STK32C: variants seen among roughly 807,000 people sequenced by gnomAD.
The protein encoded by STK32C is serine/threonine kinase 32C.
STK32C carries 31 observed loss-of-function variants against 56.5 expected under a neutral mutation model. That is an observed-to-expected ratio of 0.55 (90% CI 0.41 to 0.74). STK32C has a LOEUF of 0.74. Ranked by LOEUF, STK32C falls within the 30% of genes least tolerant of loss-of-function variation. The pLI, the probability that STK32C is intolerant of heterozygous loss-of-function variation, is 0.00. For missense variants in STK32C, 544 were observed against 676.9 expected (o/e 0.80, Z 2.18); for synonymous variants, 309 against 289.4 (o/e 1.07, Z -0.69).
intron 1 of STK32C, among the ~76,000 whole-genome samples, chr10:132,281,698 G>A (rs531899185): frequency 3.9e-5 from 6 of 152,352 alleles, no homozygotes; most frequent in South Asian, 2.1e-4. Flanking sequence ...CCCCTGGGCC[G>A]GTCGGGTGGT....
At chr10:132,246,824 T>C (rs1230278242) in intron 1 of STK32C, among the ~76,000 whole-genome samples, 1 of 152,022 alleles carries the variant, frequency 6.6e-6, no homozygotes, top group Non-Finnish European at 1.5e-5. Flanking sequence ...TCCAGATGAC[T>C]CCCAGGCCAG....
intron 7 of STK32C, among the ~76,000 whole-genome samples, chr10:132,224,808 T>C (rs2062822994): frequency 6.6e-6 from 1 of 152,038 alleles, no homozygotes; most frequent in Non-Finnish European, 1.5e-5. Context: ...GCTGGCTTCC[T>C]CAGAGGTGGG....
At chr10:132,274,053 T>C (rs1215824460) in intron 1 of STK32C, among the ~76,000 whole-genome samples, 4 of 152,212 alleles carry the variant, frequency 2.6e-5, no homozygotes, top group African/African-American at 9.6e-5. Flanking sequence ...ACTTAAACAT[T>C]TGCGAGGTGA....
At chr10:132,309,368 C>T (rs566137917), upstream of STK32C, among the ~76,000 whole-genome samples, 6 of 151,980 alleles carry the variant, frequency 3.9e-5, no homozygotes, top group South Asian at 2.1e-4. Flanking sequence ...GACATGCACC[C>T]GCCTAGGACA....
intron 10 of STK32C, among the ~76,000 whole-genome samples, chr10:132,212,561 C>A (rs1030128115): frequency 6.6e-6 from 1 of 152,194 alleles, no homozygotes; most frequent in Non-Finnish European, 1.5e-5. Flanking sequence ...ACAGCCACAT[C>A]GGACAACGTC....
intron 1 of STK32C, among the ~76,000 whole-genome samples, chr10:132,274,089 G>A (rs774282186): frequency 6.6e-6 from 1 of 152,224 alleles, no homozygotes; most frequent in Non-Finnish European, 1.5e-5. Context: ...AGGGGTTGGG[G>A]CTGGAAATGC....
At chr10:132,279,258 A>G (rs1157923643) in intron 1 of STK32C, among the ~76,000 whole-genome samples, 1 of 152,204 alleles carries the variant, frequency 6.6e-6, no homozygotes, top group Non-Finnish European at 1.5e-5. Flanking sequence ...ACCCGTGTCC[A>G]TAACAGGCGA....
intron 2 of STK32C, among the ~76,000 whole-genome samples, chr10:132,239,697 C>T (rs2063432777): frequency 6.6e-6 from 1 of 152,230 alleles, no homozygotes; most frequent in Non-Finnish European, 1.5e-5. Flanking sequence ...CGGCAGCAGG[C>T]CAGCAGACGC....
At chr10:132,298,220 C>T (rs2065811750) in intron 1 of STK32C, among the ~76,000 whole-genome samples, 1 of 152,244 alleles carries the variant, frequency 6.6e-6, no homozygotes. Context: ...TGTGGTCCCT[C>T]CCCTGAATCT....
chr10:132,214,756 G>A (rs1049181304), intron 10 of STK32C, among the ~76,000 whole-genome samples: 17 of 152,222 alleles, frequency 1.1e-4, no homozygotes, highest in East Asian at 1.9e-4. Flanking sequence ...GAGAGGTGCC[G>A]TCACAAGGCA....
rs73383230 is a variant in STK32C at position 132,247,444 on chromosome 10, C to T, written c.263-1489G>A. On this transcript the variant is annotated intron_variant, in intron 1 of 11. Transcript: ENST00000298630. ...TTCTTTCAGCCTGAGCTACGGGTGC[C>T]GTGACAAGGACCCACGGAGGCTTCA... 8.9e-3 allele frequency among the ~76,000 whole-genome samples: 1,361 copies of T among 152,266 alleles called. 24 individuals carry two copies. Among genetic ancestry groups the T allele is most frequent in the African/African-American group, 0.031 (1,295 of 41,540 alleles).
intron 2 of STK32C, among the ~76,000 whole-genome samples, chr10:132,236,226 G>A (rs948589701): frequency 5.3e-5 from 8 of 152,228 alleles, no homozygotes; most frequent in Non-Finnish European, 8.8e-5. Context: ...GCCTGCGCAC[G>A]GCCTGGTCAG....
intron 11 of STK32C, among the ~76,000 whole-genome samples, 200 bp downstream of exon 11, chr10:132,208,834 C>T (rs971826456): frequency 2.0e-5 from 3 of 152,132 alleles, no homozygotes; most frequent in East Asian, 1.9e-4. Flanking sequence ...CCACGGGCCC[C>T]GCGTGGAGCA....
intron 2 of STK32C, among the ~76,000 whole-genome samples, chr10:132,236,019 G>GC (rs1170311588): frequency 1.3e-5 from 2 of 152,204 alleles, no homozygotes; most frequent in African/African-American, 4.8e-5. Flanking sequence ...GATTGGTGTC[G>GC]CGTCGGTCCC....
upstream of STK32C, among the ~76,000 whole-genome samples, chr10:132,309,552 CGA>C (rs2066181157): frequency 6.6e-6 from 1 of 152,242 alleles, no homozygotes; most frequent in Non-Finnish European, 1.5e-5. Context: ...TGCACAGAGC[CGA>C]GTTTTCAGCC....
downstream of STK32C, among the ~76,000 whole-genome samples, chr10:132,319,951 G>C (rs114862804): frequency 6.7e-6 from 1 of 149,546 alleles, no homozygotes; most frequent in Non-Finnish European, 1.5e-5. Flanking sequence ...ATAATGGCAC[G>C]ATCTCGGCTC....
chr10:132,294,031 C>T (rs973866437), intron 1 of STK32C, among the ~76,000 whole-genome samples: 4 of 152,112 alleles, frequency 2.6e-5, no homozygotes, highest in Non-Finnish European at 5.9e-5. Context: ...TTTGAACCTG[C>T]GGAACTGAGA....
At chr10:132,290,108 A>C (rs1421296038) in intron 1 of STK32C, among the ~76,000 whole-genome samples, 1 of 152,130 alleles carries the variant, frequency 6.6e-6, no homozygotes, top group East Asian at 1.9e-4. Context: ...CCAGCCGGCC[A>C]CCCTATGGCC....
chr10:132,330,391 G>A, intron 1 of STK32C: 1 of 714,242 alleles, frequency 1.4e-6, no homozygotes, highest in South Asian at 1.5e-5. Flanking sequence ...GCCACTCACG[G>A]CAACACCCAT....
Sources: gnomAD v4.1 joint callset for allele counts (sites outside exome capture counted in the v4.1 genomes callset) on GRCh38, gnomAD v4.1.1 for gene constraint, MANE v1.5 for transcripts, NCBI Gene and HGNC (gene_info 2026-07-23, HGNC 2026-07-21) for gene names.